The following THSD4 variants were observed in gnomAD, a reference collection of about 807,000 sequenced individuals.
The protein encoded by THSD4 is thrombospondin type 1 domain containing 4.
A neutral mutation model predicts 119.0 loss-of-function variants in THSD4; 69 were observed. The ratio of observed to expected loss-of-function variants is 0.58; its 90% CI spans 0.48 to 0.71. The LOEUF (loss-of-function observed/expected upper bound fraction) is 0.71, where lower values mean the gene tolerates loss of function less well. Ranked by LOEUF, THSD4 falls within the 30% of genes least tolerant of loss-of-function variation. THSD4 has a pLI of 0.00. For missense variants in THSD4, 1,393 were observed against 1,391.1 expected (o/e 1.00, Z -0.02); for synonymous variants, 524 against 540.4 (o/e 0.97, Z 0.42).
chr15:71,627,462 C>G (rs2050531296), intron 7 of THSD4, among the ~76,000 whole-genome samples: 1 of 152,166 alleles, frequency 6.6e-6, no homozygotes, highest in South Asian at 2.1e-4. Context: ...TACCACAACA[C>G]CATTGGCTGT....
At chr15:71,606,845 T>A (rs974695828) in intron 7 of THSD4, among the ~76,000 whole-genome samples, 1 of 152,156 alleles carries the variant, frequency 6.6e-6, no homozygotes, top group Non-Finnish European at 1.5e-5. Context: ...CAGCCTCAAA[T>A]GGCAATTGTA....
At chr15:71,637,551 C>T (rs2050768966) in intron 7 of THSD4, among the ~76,000 whole-genome samples, 1 of 151,940 alleles carries the variant, frequency 6.6e-6, no homozygotes, top group Admixed American at 6.6e-5. Flanking sequence ...ATGCCAGTAA[C>T]CTGGTGAGGG....
chr15:71,174,838 CG>C (rs2043430948), intron 3 of THSD4, among the ~76,000 whole-genome samples: 1 of 151,796 alleles, frequency 6.6e-6, no homozygotes, highest in Non-Finnish European at 1.5e-5. Context: ...CCCCTGACCC[CG>C]AGCAGCCTAA....
intron 7 of THSD4, among the ~76,000 whole-genome samples, chr15:71,652,521 G>A (rs895178511): frequency 2.0e-5 from 3 of 152,160 alleles, no homozygotes; most frequent in African/African-American, 7.2e-5. Context: ...TGAAAGTAAA[G>A]CATTAGAATT....
At chr15:71,335,669 G>A (rs1227994500) in intron 6 of THSD4, among the ~76,000 whole-genome samples, 1 of 152,142 alleles carries the variant, frequency 6.6e-6, no homozygotes, top group Non-Finnish European at 1.5e-5. Context: ...CCTCGGTGAA[G>A]ATGAATGCAA....
At chr15:71,432,584 T>A (rs2140535808) in intron 7 of THSD4, among the ~76,000 whole-genome samples, 1 of 151,996 alleles carries the variant, frequency 6.6e-6, no homozygotes, top group Admixed American at 6.5e-5. Context: ...TTGTCAATAT[T>A]TGTAAATCTT....
At chr15:71,678,974 G>C (rs192758338) in intron 8 of THSD4, among the ~76,000 whole-genome samples, 1 of 152,202 alleles carries the variant, frequency 6.6e-6, no homozygotes, top group Admixed American at 6.5e-5. Context: ...ATTATCTAGT[G>C]TTTAGTGTGA....
intron 8 of THSD4, among the ~76,000 whole-genome samples, chr15:71,675,232 C>T (rs1567094745): frequency 6.6e-6 from 1 of 152,132 alleles, no homozygotes; most frequent in Non-Finnish European, 1.5e-5. Context: ...GGAGTCCTTT[C>T]TTGCTTTCTT....
At chr15:71,429,602 G>C (rs1426043485) in intron 7 of THSD4, among the ~76,000 whole-genome samples, 6 of 152,198 alleles carry the variant, frequency 3.9e-5, no homozygotes, top group Non-Finnish European at 7.3e-5. Flanking sequence ...GGGAGAGATG[G>C]AGGGTTGAGA....
At chr15:71,571,958 G>A (rs945396970) in intron 7 of THSD4, among the ~76,000 whole-genome samples, 3 of 151,968 alleles carry the variant, frequency 2.0e-5, no homozygotes, top group Non-Finnish European at 4.4e-5. Flanking sequence ...TAGAAGAGTG[G>A]GGTTTTTCAT....
At chr15:71,563,975 A>G (rs756367663) in intron 7 of THSD4, among the ~76,000 whole-genome samples, 2 of 152,192 alleles carry the variant, frequency 1.3e-5, no homozygotes, top group South Asian at 2.1e-4. Context: ...TTGATGTGCC[A>G]GTCAGCCAAT....
At chr15:71,760,783 T>G (rs2053615806) in intron 15 of THSD4, among the ~76,000 whole-genome samples, 1 of 152,210 alleles carries the variant, frequency 6.6e-6, no homozygotes, top group South Asian at 2.1e-4. Flanking sequence ...TACAGAAACA[T>G]GCCTAATTGC....
rs1371202700 is a variant in THSD4, at chr15:71,199,858, GTGTGGGGTGTGTGTGTGTGTGGTGCA to G, written c.100-15172_100-15147del. On this transcript the variant is annotated intron_variant, in intron 3 of 17. Coordinates refer to ENST00000261862, the MANE Select transcript of THSD4 (RefSeq NM_024817.3). Reference sequence around the variant, plus strand: ...TGTGTGTGTGCTGTGTGTGATGCATGTGTGGGGTGTGTGTGTGTGTGGTGCATGTGTGGTATGTGTGTGTGGTGCAT... The same window carrying G: ...TGTGTGTGTGCTGTGTGTGATGCATGTGTGTGGTATGTGTGTGTGGTGCAT... Among the ~76,000 whole-genome samples the G allele has an allele frequency of 2.3e-4, 34 of 150,100 alleles. No homozygotes were observed. In the South Asian group the frequency reaches 7.4e-3, roughly 33 times the overall value.
intron 7 of THSD4, among the ~76,000 whole-genome samples, chr15:71,625,607 T>C (rs944376748): frequency 6.6e-6 from 1 of 152,236 alleles, no homozygotes; most frequent in Non-Finnish European, 1.5e-5. Flanking sequence ...TCCATTACTC[T>C]TAGATGAAAG....
intron 8 of THSD4, among the ~76,000 whole-genome samples, chr15:71,719,943 T>C (rs999598751): frequency 1.3e-5 from 2 of 151,894 alleles, no homozygotes; most frequent in African/African-American, 4.8e-5. Flanking sequence ...CGCAAAGTGC[T>C]GGGATTACAG....
At position 71,780,552 on chromosome 15, in the gene THSD4, G is replaced by A; in HGVS notation, c.*3178G>A. On this transcript the variant is annotated 3_prime_UTR_variant, in exon 18 of 18. Coordinates refer to ENST00000261862, the MANE Select transcript of THSD4 (RefSeq NM_024817.3). ...CAAAAACACCAAAAGAAAAAAAAAAGCCATTTAAAGCCAGCCACTAGAGGG... is the reference window on the plus strand; with the variant it reads ...CAAAAACACCAAAAGAAAAAAAAAAACCATTTAAAGCCAGCCACTAGAGGG... The A allele has an allele frequency of 1.9e-5, 6 of 317,346 alleles. No homozygotes were observed. The highest frequency in any genetic ancestry group is 8.4e-5 in the East Asian group (1 of 11,872). 19.7% of individuals were successfully genotyped at this position (317,346 alleles called of 1,614,324 possible).
intron 9 of THSD4, 48 bp from the exon 10 acceptor site, chr15:71,731,073 G>T (rs1035119537): frequency 1.3e-6 from 2 of 1,575,812 alleles, no homozygotes; most frequent in Admixed American, 1.7e-5. Flanking sequence ...ACCCAGAAGG[G>T]GTGTGCATAC....
chr15:71,776,594 C>T (rs2053917207), intron 17 of THSD4, among the ~76,000 whole-genome samples: 1 of 152,116 alleles, frequency 6.6e-6, no homozygotes, highest in African/African-American at 2.4e-5. Context: ...GGAGAGCAAA[C>T]TGACTGTATC....
rs901478720 is a variant in THSD4, at chr15:71,296,904, C to T, written c.1015+40189C>T. Among the ~76,000 whole-genome samples the T allele has an allele frequency of 2.0e-5, 3 of 152,110 alleles. No homozygotes were observed. In the East Asian group the frequency reaches 5.8e-4, roughly 29 times the overall value. ...ATCTGCAAAATGAGATTAATAACAT[C>T]GACATCATGAAGTCTCTTGAAAGGA... On this transcript the variant is annotated intron_variant, in intron 6 of 17. Transcript: ENST00000261862.
Sources: gnomAD v4.1 joint callset for allele counts (sites outside exome capture counted in the v4.1 genomes callset) on GRCh38, gnomAD v4.1.1 for gene constraint, MANE v1.5 for transcripts, NCBI Gene and HGNC (gene_info 2026-07-23, HGNC 2026-07-21) for gene names.